The following ELMOD1 variants were observed in gnomAD, a reference collection of about 807,000 sequenced individuals.
ELMOD1 encodes ELMO domain-containing protein 1.
Under a neutral mutation model 46.7 loss-of-function variants are expected in ELMOD1, and 21 were observed. The observed-to-expected ratio is 0.45, with a 90% CI of 0.32 to 0.65. The LOEUF (loss-of-function observed/expected upper bound fraction) is 0.65. Ranked by LOEUF, ELMOD1 falls within the 30% of genes least tolerant of loss-of-function variation. The probability of loss-of-function intolerance (pLI) is 0.04; values close to 1 mark genes in which losing one functional copy is unlikely to be tolerated. For missense variants in ELMOD1, 348 were observed against 407.8 expected (o/e 0.85, Z 1.26); for synonymous variants, 122 against 138.2 (o/e 0.88, Z 0.82).
chr11:107,618,592 C>G (rs1382305927), intron 2 of ELMOD1, among the ~76,000 whole-genome samples: 1 of 152,120 alleles, frequency 6.6e-6, no homozygotes, highest in Non-Finnish European at 1.5e-5. Context: ...TTTTAAATAT[C>G]CTTTAATTTA....
At chr11:107,602,108 A>G (rs1865610263) in intron 1 of ELMOD1, among the ~76,000 whole-genome samples, 1 of 152,190 alleles carries the variant, frequency 6.6e-6, no homozygotes, top group Non-Finnish European at 1.5e-5. Context: ...TTTTCTCCTC[A>G]TGCTGAATAT....
At position 107,592,337 on chromosome 11, in the gene ELMOD1, C is replaced by A. The variant is rs374497011; in HGVS notation, c.-86+928C>A. On this transcript the variant is annotated intron_variant, in intron 1 of 11. Coordinates refer to ENST00000265840, the MANE Select transcript of ELMOD1 (RefSeq NM_018712.4). Reference sequence around the variant, plus strand: ...ACCACCTAGGAAAATACGCTGCTAACCCCCAGTGGGCCGTAGATTGGTACT... The same window carrying A: ...ACCACCTAGGAAAATACGCTGCTAAACCCCAGTGGGCCGTAGATTGGTACT... 3 of 533,576 alleles carry A rather than the reference C, an allele frequency of 5.6e-6. No homozygotes were observed. In the African/African-American group the frequency reaches 5.8e-5, roughly 10 times the overall value. 33.1% of individuals were successfully genotyped at this position (533,576 alleles called of 1,614,324 possible). A position where few individuals can be genotyped will look rare whatever the true frequency, so the allele number is the denominator to read the frequency against.
At chr11:107,654,835 C>T (rs1451990908) in intron 10 of ELMOD1, among the ~76,000 whole-genome samples, 1 of 149,928 alleles carries the variant, frequency 6.7e-6, no homozygotes, top group Admixed American at 6.6e-5. Flanking sequence ...AAATATTGGG[C>T]TATTTGATAA....
At chr11:107,642,427 G>A (rs1866341355) in intron 6 of ELMOD1, among the ~76,000 whole-genome samples, 3 of 151,924 alleles carry the variant, frequency 2.0e-5, no homozygotes, top group Admixed American at 6.6e-5. Flanking sequence ...GGAGTGCAGT[G>A]GCACGATCTC....
At chr11:107,599,854 A>G (rs949865382) in intron 1 of ELMOD1, among the ~76,000 whole-genome samples, 3 of 151,400 alleles carry the variant, frequency 2.0e-5, no homozygotes, top group Admixed American at 6.6e-5. Flanking sequence ...TAAGTCAGTT[A>G]TAGAAATAAT....
intron 11 of ELMOD1, among the ~76,000 whole-genome samples, chr11:107,661,367 A>G (rs964272650): frequency 1.3e-5 from 2 of 152,240 alleles, no homozygotes; most frequent in African/African-American, 4.8e-5. Context: ...ATTCCAGCAC[A>G]TTGTAGAAAG....
intron 1 of ELMOD1, chr11:107,591,796 G>C (rs117050555): frequency 0.035 from 16,275 of 467,266 alleles, 764 homozygotes; most frequent in East Asian, 0.2. Flanking sequence ...TGGGGCGAGG[G>C]GCTGGTCTGG....
At chr11:107,651,279 C>A (rs544363248) in intron 9 of ELMOD1, among the ~76,000 whole-genome samples, 1 of 152,266 alleles carries the variant, frequency 6.6e-6, no homozygotes, top group South Asian at 2.1e-4. Flanking sequence ...ATTAATATAT[C>A]TAATTTGATT....
intron 6 of ELMOD1, among the ~76,000 whole-genome samples, chr11:107,637,278 A>T (rs935390019): frequency 1.3e-5 from 2 of 152,224 alleles, no homozygotes; most frequent in Non-Finnish European, 2.9e-5. Context: ...TCTGATTCAC[A>T]CATCTAGTAA....
chr11:107,630,929 T>G (rs1866125242), intron 4 of ELMOD1, among the ~76,000 whole-genome samples: 1 of 152,152 alleles, frequency 6.6e-6, no homozygotes, highest in Non-Finnish European at 1.5e-5. Flanking sequence ...CTAGGCAGTT[T>G]GTGAAGTACT....
intron 11 of ELMOD1, among the ~76,000 whole-genome samples, chr11:107,663,694 A>T (rs978630315): frequency 1.3e-5 from 2 of 152,212 alleles, no homozygotes; most frequent in Non-Finnish European, 2.9e-5. Context: ...TTTGTATTAA[A>T]ATAAAATATG....
intron 2 of ELMOD1, chr11:107,623,214 A>C (rs1174907578): frequency 3.3e-5 from 5 of 151,948 alleles, no homozygotes; most frequent in Non-Finnish European, 7.4e-5. Flanking sequence ...TGCTCCCTGC[A>C]TTAAAACAAA....
intron 10 of ELMOD1, among the ~76,000 whole-genome samples, 161 bp from the exon 11 acceptor site, chr11:107,655,772 T>C (rs991376176): frequency 6.6e-6 from 1 of 152,106 alleles, no homozygotes; most frequent in African/African-American, 2.4e-5. Context: ...TTCCCAGAAC[T>C]GAGGGTTCTT....
rs901103983 is a variant in ELMOD1 at position 107,666,180 on chromosome 11, A to T, written c.*983A>T. The T allele has an allele frequency of 6.6e-6, 1 of 152,144 alleles. No homozygotes were observed. Among genetic ancestry groups the T allele is most frequent in the Non-Finnish European group, 1.5e-5 (1 of 68,030 alleles). 9.4% of individuals were successfully genotyped at this position (152,144 alleles called of 1,614,324 possible). A position where few individuals can be genotyped will look rare whatever the true frequency, so the allele number is the denominator to read the frequency against. The stretch of plus-strand genomic sequence containing the variant: ...CCCCAGTTGCAATTGTGTCATAGTC[A>T]TCTGTATATCAAACTATTTTATTCC... On this transcript the variant is annotated 3_prime_UTR_variant, in exon 12 of 12. Transcript: ENST00000265840.
At chr11:107,652,658 C>T (rs1037176113) in intron 9 of ELMOD1, among the ~76,000 whole-genome samples, 1 of 152,116 alleles carries the variant, frequency 6.6e-6, no homozygotes, top group Non-Finnish European at 1.5e-5. Flanking sequence ...GGATATGAAT[C>T]TTTAAGGTAA....
intron 2 of ELMOD1, among the ~76,000 whole-genome samples, chr11:107,626,320 G>A (rs1866039540): frequency 6.7e-6 from 1 of 149,712 alleles, no homozygotes; most frequent in Non-Finnish European, 1.5e-5. Flanking sequence ...GAGACAGTAA[G>A]TGGGTTCTGT....
At chr11:107,622,534 T>C (rs1865968114) in intron 2 of ELMOD1, among the ~76,000 whole-genome samples, 1 of 152,194 alleles carries the variant, frequency 6.6e-6, no homozygotes, top group African/African-American at 2.4e-5. Flanking sequence ...TCTAGTCCAA[T>C]CCCTTCACCT....
intron 1 of ELMOD1, 72 bp downstream of exon 1, chr11:107,591,481 G>A: frequency 5.0e-6 from 1 of 201,612 alleles, no homozygotes; most frequent in East Asian, 1.5e-4. Context: ...GTGCGGCGAG[G>A]ACGCGAGGCA....
chr11:107,639,043 G>T (rs1342987352), intron 6 of ELMOD1, among the ~76,000 whole-genome samples: 1 of 152,148 alleles, frequency 6.6e-6, no homozygotes, highest in East Asian at 1.9e-4. Flanking sequence ...CCAGTTACTT[G>T]GGAGGCTGAG....
Sources: allele counts gnomAD v4.1 joint callset (sites outside exome capture counted in the v4.1 genomes callset), GRCh38; gene constraint gnomAD v4.1.1; transcripts MANE v1.5; gene names NCBI Gene and HGNC (gene_info 2026-07-23, HGNC 2026-07-21).